The following ILDR1 variants were observed in gnomAD, a reference collection of about 807,000 sequenced individuals.
ILDR1 encodes immunoglobulin like domain containing receptor 1, also known as immunoglobulin-like domain-containing receptor 1.
Under a neutral mutation model 62.4 loss-of-function variants are expected in ILDR1, and 56 were observed. The ratio of observed to expected loss-of-function variants is 0.90; its 90% CI spans 0.72 to 1.12. The LOEUF (loss-of-function observed/expected upper bound fraction) is 1.12. ILDR1 is among the 50% of genes most tolerant of loss of function. The pLI is 0.00. For missense variants in ILDR1, 736 were observed against 710.6 expected, an observed-to-expected ratio of 1.04 and a Z score of -0.41; for synonymous variants, 284 against 277.8, an observed-to-expected ratio of 1.02 and a Z score of -0.22.
intron 1 of ILDR1, among the ~76,000 whole-genome samples, chr3:122,016,717 C>A (rs893802782): frequency 2.6e-5 from 4 of 152,176 alleles, no homozygotes; most frequent in Admixed American, 1.3e-4. Flanking sequence ...AATGGAGCTT[C>A]TTTGGATGGA....
the ILDR1 span, among the ~76,000 whole-genome samples, chr3:122,038,558 A>G: frequency 6.6e-6 from 1 of 152,232 alleles, no homozygotes; most frequent in African/African-American, 2.4e-5. Context: ...AGTATTTACT[A>G]TCTTATACAA....
At chr3:122,059,008 T>C in the ILDR1 span, among the ~76,000 whole-genome samples, 3 of 151,930 alleles carry the variant, frequency 2.0e-5, no homozygotes, top group African/African-American at 4.8e-5. Flanking sequence ...CTTCACAAAA[T>C]GGAAGGTATA....
chr3:122,022,139 AGCTGCC>A lies in ILDR1; in HGVS notation c.-68_-63del. The A allele has an allele frequency of 7.0e-7, 1 of 1,433,626 alleles. No individual in the cohort carries two copies. Among genetic ancestry groups the A allele is most frequent in the Non-Finnish European group, 9.6e-7 (1 of 1,041,046 alleles). The allele number at this position is 1,433,626 out of a possible 1,614,324, so 88.8% of individuals were successfully genotyped here. On this transcript the variant is annotated 5_prime_UTR_variant, in exon 1 of 8. Transcript: ENST00000344209. ...TCGGGGCACTGCGTCTTTCTTCCTC[AGCTGCC>A]GCCCCAGGACGCACCACCTTCTCCA... is the stretch of plus-strand genomic sequence containing the variant.
the ILDR1 span, among the ~76,000 whole-genome samples, chr3:122,046,611 C>T: frequency 1.3e-5 from 2 of 151,192 alleles, no homozygotes; most frequent in African/African-American, 4.9e-5. Context: ...GGAGGCTTTG[C>T]TCGTTTCTTT....
intron 7 of ILDR1, among the ~76,000 whole-genome samples, chr3:121,992,825 A>G (rs992652636): frequency 1.3e-5 from 2 of 152,188 alleles, no homozygotes; most frequent in Non-Finnish European, 1.5e-5. Flanking sequence ...GTCCTAGCTC[A>G]TGGCTTGCAA....
the ILDR1 span, among the ~76,000 whole-genome samples, chr3:122,058,681 T>C: frequency 6.6e-6 from 1 of 152,050 alleles, no homozygotes; most frequent in South Asian, 2.1e-4. Flanking sequence ...AGTCCAGGCA[T>C]CCAGCTATGA....
At chr3:122,028,133 C>T in the ILDR1 span, among the ~76,000 whole-genome samples, 4 of 151,638 alleles carry the variant, frequency 2.6e-5, no homozygotes, top group East Asian at 1.9e-4. Flanking sequence ...CGAGAGCATC[C>T]TGGCTAACAT....
the ILDR1 span, among the ~76,000 whole-genome samples, chr3:122,050,679 C>T: frequency 0.17 from 26,413 of 151,016 alleles, 2,468 homozygotes; most frequent in South Asian, 0.26. Flanking sequence ...GTGATTTACA[C>T]AATACTGTTA....
intron 1 of ILDR1, among the ~76,000 whole-genome samples, chr3:122,013,568 A>C (rs946295648): frequency 1.2e-4 from 19 of 152,170 alleles, no homozygotes; most frequent in Admixed American, 1.0e-3. Context: ...ATTTACCATC[A>C]GTGCCTGTTA....
chr3:122,001,215 T>G, intron 5 of ILDR1, 93 bp downstream of exon 5: 1 of 1,412,724 alleles, frequency 7.1e-7, no homozygotes, highest in Non-Finnish European at 1.0e-6. Flanking sequence ...GAGGAGAACC[T>G]GGAAGAATCT....
chr3:122,034,081 T>G, the ILDR1 span, among the ~76,000 whole-genome samples: 1 of 152,252 alleles, frequency 6.6e-6, no homozygotes. Flanking sequence ...ATTGGAATTT[T>G]TATGTTATTA....
At chr3:122,009,758 C>T (rs1022513462) in intron 1 of ILDR1, among the ~76,000 whole-genome samples, 6 of 152,362 alleles carry the variant, frequency 3.9e-5, no homozygotes, top group Middle Eastern at 3.4e-3. Context: ...CTGTCTTGAA[C>T]GCTAGAGCAC....
At chr3:122,053,991 G>A in the ILDR1 span, among the ~76,000 whole-genome samples, 1 of 152,088 alleles carries the variant, frequency 6.6e-6, no homozygotes, top group South Asian at 2.1e-4. Flanking sequence ...TTTGAAGATA[G>A]ATAACTTATA....
At chr3:122,009,846 C>T (rs1375254901) in intron 1 of ILDR1, among the ~76,000 whole-genome samples, 1 of 152,242 alleles carries the variant, frequency 6.6e-6, no homozygotes, top group Non-Finnish European at 1.5e-5. Flanking sequence ...TAGGCACCTG[C>T]ATCTGGGTTT....
chr3:121,988,423 A>AAT lies in ILDR1; in HGVS notation c.1600-17_1600-16dup, dbSNP rs753773456. Reference sequence around the variant, plus strand: ...CTGTCTTTCTCCTGGGAAATAGAAGAATACACACACAAAAAAAATCCAGTC... The same window carrying AAT: ...CTGTCTTTCTCCTGGGAAATAGAAGAATATACACACACAAAAAAAATCCAGTC... On this transcript the variant is annotated splice_polypyrimidine_tract_variant and intron_variant, in intron 7 of 7. Coordinates refer to ENST00000344209, the MANE Select transcript of ILDR1 (RefSeq NM_001199799.2). 14 of 1,610,482 alleles carry AAT rather than the reference A, an allele frequency of 8.7e-6. No homozygotes were observed. Among genetic ancestry groups the AAT allele is most frequent in the East Asian group, 4.5e-5 (2 of 44,866 alleles).
chr3:121,995,703 G>A (rs1264009553), intron 5 of ILDR1, among the ~76,000 whole-genome samples: 1 of 152,176 alleles, frequency 6.6e-6, no homozygotes, highest in African/African-American at 2.4e-5. Flanking sequence ...TCCCTCTGCA[G>A]AGATGCCTCT....
At chr3:122,024,697 C>A (rs890054196), upstream of ILDR1, among the ~76,000 whole-genome samples, 7 of 152,182 alleles carry the variant, frequency 4.6e-5, no homozygotes, top group Non-Finnish European at 1.0e-4. Flanking sequence ...CTATTATTAT[C>A]AATCCCATTT....
the ILDR1 span, among the ~76,000 whole-genome samples, chr3:122,048,906 G>C: frequency 6.6e-6 from 1 of 152,110 alleles, no homozygotes; most frequent in South Asian, 2.1e-4. Flanking sequence ...AAAGTGCTGG[G>C]ATTACAGGCA....
chr3:122,025,411 G>T (rs368861073), upstream of ILDR1: 1 of 152,188 alleles, frequency 6.6e-6, no homozygotes, highest in Non-Finnish European at 1.5e-5. Flanking sequence ...GAGGTGCAAA[G>T]GTTCATTAAC....
Sources: allele counts gnomAD v4.1 joint callset (sites outside exome capture counted in the v4.1 genomes callset), GRCh38; gene constraint gnomAD v4.1.1; transcripts MANE v1.5; gene names NCBI Gene and HGNC (gene_info 2026-07-23, HGNC 2026-07-21).